The following EPS15L1 variants were observed in gnomAD, a reference collection of about 807,000 sequenced individuals.
EPS15L1 encodes the protein epidermal growth factor receptor pathway substrate 15 like 1, also known as epidermal growth factor receptor substrate 15-like 1.
Under a neutral mutation model 117.1 loss-of-function variants are expected in EPS15L1, and 43 were observed. The observed-to-expected ratio is 0.37, with a 90% confidence interval of 0.29 to 0.47. The LOEUF is 0.47. EPS15L1 is among the 20% of genes least tolerant of loss of function. The pLI is 0.99. For synonymous variants in EPS15L1, 459 were observed against 470.5 expected (o/e 0.98, Z 0.32); for missense variants, 981 against 1,164.0 (o/e 0.84, Z 2.29).
chr19:16,441,135 C>A (rs945443131), intron 3 of EPS15L1: 1 of 580,100 alleles, frequency 1.7e-6, no homozygotes, highest in East Asian at 2.9e-5. Flanking sequence ...GCACTCAGCT[C>A]CCAAGCCAAT....
chr19:16,422,971 G>GC (rs910603360), intron 9 of EPS15L1, among the ~76,000 whole-genome samples: 2 of 100,552 alleles, frequency 2.0e-5, no homozygotes, highest in African/African-American at 8.1e-5. Flanking sequence ...GAAAAAAAAA[G>GC]GGGGGGGGGA....
chr19:16,413,643 C>T, intron 13 of EPS15L1, 130 bp downstream of exon 13: 1 of 783,568 alleles, frequency 1.3e-6, no homozygotes, highest in Non-Finnish European at 2.1e-6. Flanking sequence ...CTTCATTCTG[C>T]AGCCCCCAAG....
intron 1 of EPS15L1, among the ~76,000 whole-genome samples, chr19:16,445,183 A>C (rs1374418899): frequency 6.6e-6 from 1 of 152,220 alleles, no homozygotes; most frequent in Non-Finnish European, 1.5e-5. Context: ...CGCAACCAAG[A>C]GAAACAAGGC....
At chr19:16,418,726 G>A (rs946213208) in intron 10 of EPS15L1, among the ~76,000 whole-genome samples, 2 of 152,290 alleles carry the variant, frequency 1.3e-5, no homozygotes, top group East Asian at 3.9e-4. Context: ...AGGTCATGAG[G>A]GTGGAGCCTC....
intron 12 of EPS15L1, chr19:16,417,306 C>G (rs980491202): frequency 4.2e-5 from 20 of 478,738 alleles, no homozygotes; most frequent in South Asian, 4.1e-4. Context: ...CACCCACAGG[C>G]TCTGGTCAAG....
rs1332178841 is a variant in EPS15L1, at chr19:16,392,308, G to A, written c.2099C>T (p.Ser700Leu). ...GCAACGTCCCACCCCACTCACCTTC[G>A]AAGGTAAGGAAGGGTTTTTCGTGAA... ...DPFTKNPSLP[S>L]KLDPFESSDP... Residue 700 changes from serine (S) to leucine (L), a missense_variant, in exon 19 of 24, where the codon TCG becomes TTG. Physicochemically the swap from Ser to Leu is moderately radical, Grantham distance 145. Around this residue, in one of 5 missense-constraint regions of EPS15L1, gnomAD observed 819 missense variants for 949.0 expected, o/e 0.86. Coordinates refer to ENST00000455140, the MANE Select transcript of EPS15L1 (RefSeq NM_001258374.3). 4 of 1,613,994 alleles carry A rather than the reference G, an allele frequency of 2.5e-6. No homozygotes were observed. The highest frequency in any genetic ancestry group is 1.7e-5 in the Admixed American group (1 of 60,026).
rs114686657 is a variant in EPS15L1 at position 16,411,502 on chromosome 19, T to C, written c.1266+2271A>G. On this transcript the variant is annotated intron_variant, in intron 13 of 23. Coordinates refer to ENST00000455140, the MANE Select transcript of EPS15L1 (RefSeq NM_001258374.3). ...GAGAAACAATCAGGTTCTAACTCGA[T>C]AGAGTGATGGTTAATCAACACGGTG... Among the ~76,000 whole-genome samples, 242 of 152,294 alleles carry C rather than the reference T, an allele frequency of 1.6e-3. 3 individuals carry two copies. Among genetic ancestry groups the C allele is most frequent in the African/African-American group, 5.6e-3 (231 of 41,562 alleles).
intron 22 of EPS15L1, among the ~76,000 whole-genome samples, chr19:16,367,105 G>A (rs145310108): frequency 2.0e-5 from 3 of 151,880 alleles, no homozygotes; most frequent in Admixed American, 6.6e-5. Context: ...TTCAGAAAAG[G>A]GGATGGAAAT....
chr19:16,447,981 T>C (rs2093100664), intron 1 of EPS15L1, among the ~76,000 whole-genome samples: 1 of 151,974 alleles, frequency 6.6e-6, no homozygotes, highest in Non-Finnish European at 1.5e-5. Context: ...TTGACAAAGG[T>C]GCAAAAGTAT....
chr19:16,388,565 C>G (rs1298703358), intron 19 of EPS15L1, among the ~76,000 whole-genome samples: 1 of 152,094 alleles, frequency 6.6e-6, no homozygotes, highest in Non-Finnish European at 1.5e-5. Flanking sequence ...CGGTGGCTCA[C>G]GCCTGTAATC....
In EPS15L1 at chr19:16,383,541, G is replaced by GTGTC. The variant is rs1327153968; in HGVS notation, c.2247+1584_2247+1587dup. The GTGTC allele has an allele frequency of 6.6e-6, 1 of 152,238 alleles. No individual in the cohort carries two copies. The allele number at this position is 152,238 out of a possible 1,614,324, so 9.4% of individuals were successfully genotyped here. ...CTAAATCTTCTGCCAGTCCCAAACCGTGTCACAGCGTGGCATATGAGGGAT... is the reference window on the plus strand; with the variant it reads ...CTAAATCTTCTGCCAGTCCCAAACCGTGTCTGTCACAGCGTGGCATATGAGGGAT... On this transcript the variant is annotated intron_variant, in intron 21 of 23. Transcript: ENST00000455140. The surrounding 1 kb of genome is among the most constrained non-coding windows in gnomAD (Gnocchi z 5.2).
At chr19:16,454,819 C>CTTTT (rs538990101) in intron 1 of EPS15L1, among the ~76,000 whole-genome samples, 2 of 143,560 alleles carry the variant, frequency 1.4e-5, no homozygotes, top group Non-Finnish European at 3.1e-5. Flanking sequence ...TTTCTTTTTT[C>CTTTT]TTTTTTTTTT....
At chr19:16,458,772 C>T (rs1192103801) in intron 1 of EPS15L1, among the ~76,000 whole-genome samples, 1 of 152,184 alleles carries the variant, frequency 6.6e-6, no homozygotes, top group Non-Finnish European at 1.5e-5. Context: ...TCACATATAT[C>T]ACACTCAAGT....
chr19:16,464,923 CA>C (rs1218620708), intron 1 of EPS15L1, among the ~76,000 whole-genome samples: 4 of 151,940 alleles, frequency 2.6e-5, no homozygotes, highest in East Asian at 3.9e-4. Flanking sequence ...ACTAAAAATA[CA>C]AAAAATTAGC....
chr19:16,404,473 A>G lies in EPS15L1; in HGVS notation c.1428+115T>C. The G allele has an allele frequency of 8.2e-7, 1 of 1,214,062 alleles. No individual in the cohort carries two copies. The highest frequency in any genetic ancestry group is 1.2e-6 in the Non-Finnish European group (1 of 864,296). The allele number at this position is 1,214,062 out of a possible 1,614,324, so 75.2% of individuals were successfully genotyped here. On this transcript the variant is annotated intron_variant, in intron 14 of 23. Transcript: ENST00000455140. The surrounding 1 kb of genome is among the most constrained non-coding windows in gnomAD (Gnocchi z 4.2). ...TCCACGTGGTGTTTGGAGGAACTCT[A>G]TTGACCCAGTAGGATGTCTAAGTGT... is the stretch of plus-strand genomic sequence containing the variant.
intron 9 of EPS15L1, among the ~76,000 whole-genome samples, chr19:16,424,529 G>C (rs551575326): frequency 6.6e-6 from 1 of 152,128 alleles, no homozygotes; most frequent in East Asian, 1.9e-4. Context: ...TGCAGACACA[G>C]GCTGGGCACG....
At chr19:16,422,348 A>T (rs1385043840) in intron 9 of EPS15L1, among the ~76,000 whole-genome samples, 2 of 152,048 alleles carry the variant, frequency 1.3e-5, no homozygotes, top group Non-Finnish European at 2.9e-5. Context: ...CGGGCCTTCA[A>T]TACACCCACC....
chr19:16,434,603 G>T (rs2092961296), intron 6 of EPS15L1, 113 bp from the exon 7 acceptor site: 2 of 1,124,718 alleles, frequency 1.8e-6, no homozygotes, highest in Non-Finnish European at 2.6e-6. Context: ...CATCACCCTT[G>T]GCTAAAAGCA....
chr19:16,368,868 C>T (rs2092178049), intron 22 of EPS15L1, among the ~76,000 whole-genome samples: 2 of 152,232 alleles, frequency 1.3e-5, no homozygotes, highest in African/African-American at 2.4e-5. Context: ...GATGCCCATA[C>T]AACTGCCAGG....
Sources: gnomAD v4.1 joint callset for allele counts (sites outside exome capture counted in the v4.1 genomes callset) on GRCh38, gnomAD v4.1.1 for gene constraint, gnomAD v4.1.1 regional missense constraint, Gnocchi (gnomAD v3.1) non-coding constraint, MANE v1.5 for transcripts, NCBI Gene and HGNC (gene_info 2026-07-23, HGNC 2026-07-21) for gene names.